Variants in CCDC169 observed in about 807,000 individuals in gnomAD.
CCDC169 encodes the protein coiled-coil domain-containing protein 169.
Under a neutral mutation model 36.0 loss-of-function variants are expected in CCDC169, and 30 were observed. The ratio of observed to expected loss-of-function variants is 0.83; its 90% CI spans 0.62 to 1.13. CCDC169 has a LOEUF of 1.13. Among genes scored for constraint, CCDC169 ranks in the 50% most tolerant of loss-of-function variants. The probability of loss-of-function intolerance (pLI) is 0.00; values close to 1 mark genes in which losing one functional copy is unlikely to be tolerated. For missense variants in CCDC169, 245 were observed against 245.9 expected (o/e 1.00, Z 0.03); for synonymous variants, 85 against 81.5 (o/e 1.04, Z -0.23).
At chr13:36,260,026 A>G (rs968645657) in intron 4 of CCDC169, among the ~76,000 whole-genome samples, 1 of 152,192 alleles carries the variant, frequency 6.6e-6, no homozygotes, top group African/African-American at 2.4e-5. Context: ...GTCCCTCTCC[A>G]TGCCTCTGGG....
At chr13:36,283,554 A>T in intron 3 of CCDC169, 38 bp downstream of exon 3, 1 of 1,550,858 alleles carries the variant, frequency 6.4e-7, no homozygotes, top group African/African-American at 1.4e-5. Flanking sequence ...ATCAGTTTTA[A>T]CTCAAATTAT....
At chr13:36,235,672 G>GA (rs141520816) in intron 7 of CCDC169, among the ~76,000 whole-genome samples, 63 of 145,320 alleles carry the variant, frequency 4.3e-4, no homozygotes, top group African/African-American at 6.3e-4. Context: ...CAAATTAGAA[G>GA]AAAAAAAAAA....
intron 4 of CCDC169, among the ~76,000 whole-genome samples, chr13:36,278,645 A>G (rs914310473): frequency 3.3e-5 from 5 of 151,752 alleles, no homozygotes; most frequent in African/African-American, 1.2e-4. Flanking sequence ...CTTTCTCAAT[A>G]TTTTTCCTTC....
chr13:36,244,867 C>T lies in CCDC169; in HGVS notation c.545+3739G>A, dbSNP rs998959920. On this transcript the variant is annotated intron_variant, in intron 7 of 7. Coordinates refer to ENST00000239859, the MANE Select transcript of CCDC169 (RefSeq NM_001144981.3). Reference sequence around the variant, plus strand: ...GGTCTTGGGGACTCTGACACAGTGGCGTAATAGTTTTTCCAGGGAAGTCCT... The same window carrying T: ...GGTCTTGGGGACTCTGACACAGTGGTGTAATAGTTTTTCCAGGGAAGTCCT... Among the ~76,000 whole-genome samples, 25 of 123,064 alleles carry T rather than the reference C, an allele frequency of 2.0e-4. 1 individual carries two copies. Among genetic ancestry groups the T allele is most frequent in the Admixed American group, 5.0e-4 (6 of 11,922 alleles). The allele number at this position is 123,064 out of a possible 152,430, so 80.7% of individuals were successfully genotyped here. A position where few individuals can be genotyped will look rare whatever the true frequency, so the allele number is the denominator to read the frequency against.
chr13:36,292,994 G>C (rs1879086289), intron 2 of CCDC169, among the ~76,000 whole-genome samples: 1 of 152,122 alleles, frequency 6.6e-6, no homozygotes, highest in Admixed American at 6.6e-5. Flanking sequence ...TAGCTCTGTT[G>C]GTAGAAACAG....
intron 4 of CCDC169, among the ~76,000 whole-genome samples, chr13:36,260,114 C>T (rs985925972): frequency 6.6e-6 from 1 of 152,228 alleles, no homozygotes; most frequent in African/African-American, 2.4e-5. Flanking sequence ...ATATTTCTAT[C>T]TAACTGTTGA....
intron 4 of CCDC169, among the ~76,000 whole-genome samples, chr13:36,259,626 GCAAT>G (rs1281512016): frequency 2.0e-5 from 3 of 152,176 alleles, no homozygotes; most frequent in East Asian, 1.9e-4. Context: ...GACATGGCCT[GCAAT>G]CAATCAGAGG....
downstream of CCDC169, among the ~76,000 whole-genome samples, chr13:36,229,540 GT>G (rs10665867): frequency 6.7e-5 from 9 of 133,458 alleles, no homozygotes; most frequent in African/African-American, 5.7e-5. Context: ...TTATAATAAT[GT>G]TTTTTTTTTT....
chr13:36,282,075 T>C (rs1242913808), intron 4 of CCDC169, among the ~76,000 whole-genome samples: 1 of 152,180 alleles, frequency 6.6e-6, no homozygotes, highest in Non-Finnish European at 1.5e-5. Context: ...AAATCTGTAG[T>C]TTGAAATTAT....
intron 2 of CCDC169, among the ~76,000 whole-genome samples, chr13:36,291,103 G>C (rs1878827569): frequency 6.6e-6 from 1 of 152,058 alleles, no homozygotes; most frequent in Non-Finnish European, 1.5e-5. Context: ...TGGAGGGTTG[G>C]ACATGCCACA....
At chr13:36,223,555 A>T (rs1869717869), downstream of CCDC169, 1 of 152,152 alleles carries the variant, frequency 6.6e-6, no homozygotes, top group African/African-American at 2.4e-5. Flanking sequence ...ATATGAGCTC[A>T]TATTTATGTA....
rs1215742580 is a variant in CCDC169, at chr13:36,231,267, T to C, written c.571A>G (p.Lys191Glu). 2 of 1,551,466 alleles carry C rather than the reference T, an allele frequency of 1.3e-6. No individual in the cohort carries two copies. The highest frequency in any genetic ancestry group is 1.7e-6 in the Non-Finnish European group (2 of 1,146,850). ...GGTCCTCTCTTGGCACTCACTGTCT[T>C]CTGCTTAGCTGGATTATATCTTCCA... ...KTGRYNPAKQKTVSAKRGPVK... is the reference protein window; with the variant it reads ...KTGRYNPAKQETVSAKRGPVK... The change falls in exon 8 of 8, where the codon AAG becomes GAG. Residue 191 changes from lysine to glutamate, a missense_variant. Transcript: ENST00000239859.
intron 4 of CCDC169, among the ~76,000 whole-genome samples, chr13:36,264,890 C>T (rs1875078816): frequency 6.6e-6 from 1 of 152,162 alleles, no homozygotes; most frequent in South Asian, 2.1e-4. Flanking sequence ...TGTGGTCTGT[C>T]TTGATGAATG....
intron 7 of CCDC169, among the ~76,000 whole-genome samples, chr13:36,247,944 C>T (rs978462829): frequency 4.6e-5 from 7 of 152,114 alleles, no homozygotes; most frequent in African/African-American, 1.2e-4. Context: ...CAGCAAACTT[C>T]GTTGTTGCCC....
chr13:36,231,557 G>A (rs561314997), intron 7 of CCDC169, among the ~76,000 whole-genome samples: 1 of 152,282 alleles, frequency 6.6e-6, no homozygotes, highest in African/African-American at 2.4e-5. Context: ...GTGCCCTAAT[G>A]TGGAAAGTTC....
At chr13:36,227,022 C>A (rs1869912178), downstream of CCDC169, 8 of 423,222 alleles carry the variant, frequency 1.9e-5, no homozygotes, top group East Asian at 1.0e-4. Flanking sequence ...ATAAAAAGAC[C>A]AAGGTGAAGT....
intron 4 of CCDC169, among the ~76,000 whole-genome samples, chr13:36,269,224 A>G (rs1431129850): frequency 6.6e-6 from 1 of 152,214 alleles, no homozygotes; most frequent in Non-Finnish European, 1.5e-5. Context: ...TAAATCAGGA[A>G]GAAATGGAAA....
intron 4 of CCDC169, among the ~76,000 whole-genome samples, chr13:36,266,965 T>C (rs760119726): frequency 5.3e-5 from 8 of 152,154 alleles, no homozygotes; most frequent in Non-Finnish European, 1.0e-4. Flanking sequence ...GACACTAAGA[T>C]GGGATTACAT....
intron 4 of CCDC169, chr13:36,267,213 G>A (rs1014332171): frequency 1.3e-5 from 2 of 152,174 alleles, no homozygotes; most frequent in African/African-American, 4.8e-5. Context: ...ATGATACAGA[G>A]AAGATTAGCA....
Sources: allele counts gnomAD v4.1 joint callset (sites outside exome capture counted in the v4.1 genomes callset), GRCh38; gene constraint gnomAD v4.1.1; transcripts MANE v1.5; gene names NCBI Gene and HGNC (gene_info 2026-07-23, HGNC 2026-07-21).